Variants in DMD observed in about 807,000 individuals in gnomAD.
The protein encoded by DMD is dystrophin, also known as mutant dystrophin.
DMD carries 63 observed loss-of-function variants against 330.1 expected under a neutral mutation model. The observed-to-expected ratio is 0.19, with a 90% CI of 0.16 to 0.24. The LOEUF (loss-of-function observed/expected upper bound fraction) is 0.24, where lower values mean the gene tolerates loss of function less well. Among genes scored for constraint, DMD ranks in the 10% least tolerant of loss-of-function variants. The probability of loss-of-function intolerance (pLI) is 1.00; values close to 1 mark genes in which losing one functional copy is unlikely to be tolerated. For synonymous variants in DMD, 1,223 were observed against 959.8 expected (o/e 1.27, Z -5.07); for missense variants, 3,344 against 2,684.1 (o/e 1.25, Z -5.43).
At chrX:32,137,266 A>T (rs1321797259) in intron 44 of DMD, among the ~76,000 whole-genome samples, 1 of 111,540 alleles carries the variant, frequency 9.0e-6, no homozygotes, top group Non-Finnish European at 1.9e-5. Context: ...CTCCTTTACA[A>T]AAAAAAGTTG....
At chrX:32,601,817 T>C (rs958341737) in intron 12 of DMD, among the ~76,000 whole-genome samples, 4 of 112,075 alleles carry the variant, frequency 3.6e-5, no homozygotes, top group African/African-American at 9.7e-5. Flanking sequence ...GTTAAGAAGA[T>C]TGAATAAGGT....
At chrX:32,265,083 C>A (rs1248837605) in intron 43 of DMD, among the ~76,000 whole-genome samples, 3 of 112,255 alleles carry the variant, frequency 2.7e-5, no homozygotes, top group Non-Finnish European at 5.6e-5. Context: ...AAAATTGTCT[C>A]CAGGAAATGC....
Position 33,244,631 on chromosome X carries a change from C to T in DMD, c.7+94628G>A, listed in dbSNP as rs773983979. Among the ~76,000 whole-genome samples, 242 of 111,496 alleles carry T rather than the reference C, an allele frequency of 2.2e-3. 1 individual carries two copies. The highest frequency in any genetic ancestry group is 1.4e-3 in the Non-Finnish European group (72 of 52,988). On this transcript the variant is annotated intron_variant, in intron 1 of 17. Coordinates refer to the DMD transcript ENST00000288447. ...TGTGAATAAATTGTTTGATTTGATT[C>T]GTAGTTTTTTAACTGAGTAGGCAAG...
chrX:32,197,171 T>A (rs1306160427), intron 44 of DMD, among the ~76,000 whole-genome samples: 1 of 110,006 alleles, frequency 9.1e-6, no homozygotes, highest in Non-Finnish European at 1.9e-5. Flanking sequence ...CCTCTCTTTT[T>A]TATTTTAATT....
chrX:32,893,198 AGTAACCAAATG>A (rs758619218), intron 2 of DMD, among the ~76,000 whole-genome samples: 1 of 112,117 alleles, frequency 8.9e-6, no homozygotes, highest in East Asian at 2.8e-4. Context: ...CAGACAACTG[AGTAACCAAATG>A]GTTTCGCCTA....
intron 54 of DMD, 130 bp downstream of exon 54, chrX:31,657,860 G>T: frequency 1.5e-6 from 1 of 654,099 alleles, no homozygotes; most frequent in Non-Finnish European, 2.4e-6. Flanking sequence ...AGTTTAGTTG[G>T]TATTTATCGT....
At chrX:31,389,543 G>A (rs918432538) in intron 60 of DMD, among the ~76,000 whole-genome samples, 4 of 111,912 alleles carry the variant, frequency 3.6e-5, no homozygotes, top group Admixed American at 9.5e-5. Context: ...TAAAGATGCC[G>A]AAACTCAGAT....
At chrX:32,470,251 C>T (rs1323395308) in intron 22 of DMD, among the ~76,000 whole-genome samples, 1 of 110,645 alleles carries the variant, frequency 9.0e-6, no homozygotes, top group African/African-American at 3.3e-5. Context: ...AAAAAGATTC[C>T]TTGGTATCAT....
At chrX:31,642,245 T>C (rs1294937044) in intron 54 of DMD, among the ~76,000 whole-genome samples, 1 of 112,049 alleles carries the variant, frequency 8.9e-6, no homozygotes, top group Admixed American at 9.5e-5. Flanking sequence ...AGAAATAAGC[T>C]TTAGTGAAAA....
At chrX:31,436,300 C>T (rs933937467) in intron 60 of DMD, among the ~76,000 whole-genome samples, 4 of 112,041 alleles carry the variant, frequency 3.6e-5, no homozygotes, top group African/African-American at 1.3e-4. Flanking sequence ...TTTGGGTTCA[C>T]TTTATAAAAT....
chrX:32,332,274 T>A (rs986230086), intron 41 of DMD, among the ~76,000 whole-genome samples: 2 of 110,706 alleles, frequency 1.8e-5, no homozygotes, highest in African/African-American at 6.6e-5. Flanking sequence ...AAAAGACAAT[T>A]TTTTTTTGCA....
chrX:31,723,234 C>G (rs1235582590), intron 52 of DMD, among the ~76,000 whole-genome samples: 1 of 108,868 alleles, frequency 9.2e-6, no homozygotes, highest in Non-Finnish European at 1.9e-5. Context: ...CAAGCTCAGA[C>G]ATTCCAGGTA....
chrX:31,930,263 T>G (rs920016517), intron 46 of DMD, among the ~76,000 whole-genome samples: 2 of 110,976 alleles, frequency 1.8e-5, no homozygotes, highest in African/African-American at 3.3e-5. Context: ...AATAATTATA[T>G]CAGGTAGATC....
chrX:31,774,441 C>T (rs192016336), intron 50 of DMD, among the ~76,000 whole-genome samples: 59 of 111,433 alleles, frequency 5.3e-4, no homozygotes, highest in Admixed American at 4.1e-3. Context: ...TTTTAAAAAA[C>T]GATTTTGCTC....
intron 78 of DMD, among the ~76,000 whole-genome samples, chrX:31,123,935 AAAAC>A: frequency 8.9e-6 from 1 of 112,099 alleles, no homozygotes; most frequent in Non-Finnish European, 1.9e-5. Context: ...AAAATATAAT[AAAAC>A]AAATAAATGC....
rs962536106 is a variant in DMD, at chrX:32,542,332, T to G, written c.2168+2827A>C. On this transcript the variant is annotated intron_variant, in intron 17 of 78. Transcript: ENST00000357033. ...CCTGTAATTCCAGCTACTCGGGAGG[T>G]TGAGGCAGAGAATTGCTTGAAACCA... Among the ~76,000 whole-genome samples the G allele has an allele frequency of 5.6e-5, 6 of 107,591 alleles. No homozygotes were observed. The East Asian group carries it at 1.8e-3, about 32-fold the overall frequency. 93.4% of individuals were successfully genotyped at this position (107,591 alleles called of 115,157 possible).
chrX:32,342,795 T>G (rs1288467362), intron 40 of DMD: 2 of 354,145 alleles, frequency 5.6e-6, no homozygotes, highest in Admixed American at 6.3e-5. Flanking sequence ...TCTGATGAAA[T>G]GAATGGGCTA....
intron 32 of DMD, among the ~76,000 whole-genome samples, chrX:32,387,269 C>T (rs933908829): frequency 9.0e-6 from 1 of 110,984 alleles, no homozygotes; most frequent in Non-Finnish European, 1.9e-5. Context: ...TCCAACACCA[C>T]TTGATGTCTT....
chrX:33,181,741 A>G (rs1195456726), intron 1 of DMD, among the ~76,000 whole-genome samples: 1 of 112,059 alleles, frequency 8.9e-6, no homozygotes, highest in Non-Finnish European at 1.9e-5. Flanking sequence ...GTGCTTGAAA[A>G]AACAAATCAT....
Sources: allele counts gnomAD v4.1 joint callset (sites outside exome capture counted in the v4.1 genomes callset), GRCh38; gene constraint gnomAD v4.1.1; transcripts MANE v1.5; gene names NCBI Gene and HGNC (gene_info 2026-07-23, HGNC 2026-07-21).